FNDC3A: variants seen among roughly 807,000 people sequenced by gnomAD.
The protein encoded by FNDC3A is fibronectin type III domain containing 3A, also known as fibronectin type-III domain-containing protein 3A.
FNDC3A carries 32 observed loss-of-function variants against 148.9 expected under a neutral mutation model. That is an observed-to-expected ratio of 0.21 (90% CI 0.16 to 0.29). The LOEUF (loss-of-function observed/expected upper bound fraction) is 0.29, where lower values mean the gene tolerates loss of function less well. FNDC3A is among the 10% of genes least tolerant of loss of function. The probability of loss-of-function intolerance (pLI) is 1.00; values close to 1 mark genes in which losing one functional copy is unlikely to be tolerated. For missense variants in FNDC3A, 1,191 were observed against 1,452.8 expected, an observed-to-expected ratio of 0.82 and a Z score of 2.93; for synonymous variants, 472 against 473.6, an observed-to-expected ratio of 1.00 and a Z score of 0.04.
chr13:49,122,191 T>A lies in FNDC3A; in HGVS notation c.252+7460T>A, dbSNP rs181230392. On this transcript the variant is annotated intron_variant, in intron 4 of 25. Transcript: ENST00000492622. ...TTCATCCCTGGGATGCAAGGCTGGT[T>A]CAACATACGTAAATCAATAAACGTA... Among the ~76,000 whole-genome samples the A allele has an allele frequency of 1.3e-4, 20 of 152,268 alleles. No homozygotes were observed. In the East Asian group the frequency reaches 3.1e-3, roughly 24 times the overall value.
intron 15 of FNDC3A, 33 bp downstream of exon 15, chr13:49,186,135 T>G: frequency 6.6e-7 from 1 of 1,522,392 alleles, no homozygotes; most frequent in Non-Finnish European, 9.0e-7. Context: ...ACATTATTAC[T>G]TTTGCGTTTG....
In FNDC3A at chr13:49,024,610, C is replaced by G. The variant is rs1873564357; in HGVS notation, c.99+18321C>G. Among the ~76,000 whole-genome samples, 4 of 151,766 alleles carry G rather than the reference C, an allele frequency of 2.6e-5. No homozygotes were observed. The South Asian group carries it at 8.3e-4, about 31-fold the overall frequency. On this transcript the variant is annotated intron_variant, in intron 2 of 25. Transcript: ENST00000492622. ...CAGTAAGTGTGATACATGACATCAA[C>G]ATAATGAAGGACAAGAACCATAAAA...
intron 2 of FNDC3A, among the ~76,000 whole-genome samples, chr13:49,007,522 A>G (rs1952243602): frequency 6.6e-6 from 1 of 152,182 alleles, no homozygotes; most frequent in Non-Finnish European, 1.5e-5. Context: ...CAACTTGTTG[A>G]TAATCTAATG....
chr13:48,976,845 A>T (rs945057381), intron 1 of FNDC3A: 1 of 152,274 alleles, frequency 6.6e-6, no homozygotes, highest in Non-Finnish European at 1.5e-5. Context: ...TCGAGGCTGC[A>T]GTCCTCGCCC....
At chr13:48,980,672 C>T (rs1362598776) in intron 1 of FNDC3A, among the ~76,000 whole-genome samples, 1 of 152,108 alleles carries the variant, frequency 6.6e-6, no homozygotes, top group African/African-American at 2.4e-5. Context: ...TTATAGATAT[C>T]TATTTCTAAG....
intron 14 of FNDC3A, among the ~76,000 whole-genome samples, chr13:49,184,235 G>C (rs1234335185): frequency 6.6e-6 from 1 of 152,202 alleles, no homozygotes; most frequent in Non-Finnish European, 1.5e-5. Flanking sequence ...TGTAGGCATG[G>C]TGTGGAATTT....
rs571058903 is a variant in FNDC3A, at chr13:49,158,468, A to T, written c.978-8776A>T. Among the ~76,000 whole-genome samples the T allele has an allele frequency of 1.4e-3, 214 of 152,292 alleles. 1 individual carries two copies. The highest frequency in any genetic ancestry group is 0.012 in the Admixed American group (189 of 15,298). On this transcript the variant is annotated intron_variant, in intron 8 of 25. Coordinates refer to ENST00000492622, the MANE Select transcript of FNDC3A (RefSeq NM_001079673.2). Reference sequence around the variant, plus strand: ...CCGGTACCTCAGATGGAAATGCAGAAATCACCAGTCTTCTGCGTCGCTCAC... The same window carrying T: ...CCGGTACCTCAGATGGAAATGCAGATATCACCAGTCTTCTGCGTCGCTCAC...
At chr13:49,203,131 A>T in intron 24 of FNDC3A, 26 bp from the exon 25 acceptor site, 3 of 1,500,656 alleles carry the variant, frequency 2.0e-6, no homozygotes, top group Non-Finnish European at 2.7e-6. Flanking sequence ...AGTGGAACAG[A>T]TATTATTTAT....
chr13:49,004,689 C>T (rs890672483), intron 1 of FNDC3A, among the ~76,000 whole-genome samples: 1 of 151,790 alleles, frequency 6.6e-6, no homozygotes, highest in African/African-American at 2.4e-5. Flanking sequence ...GCAGTTTTAG[C>T]TAAACCTAGT....
At chr13:49,161,702 G>A (rs1216223788) in intron 8 of FNDC3A, among the ~76,000 whole-genome samples, 2 of 152,138 alleles carry the variant, frequency 1.3e-5, no homozygotes, top group Admixed American at 6.5e-5. Flanking sequence ...TCCTAGCATC[G>A]ATGATGTTTA....
At chr13:49,147,505 A>G (rs772837470) in intron 8 of FNDC3A, among the ~76,000 whole-genome samples, 9 of 152,098 alleles carry the variant, frequency 5.9e-5, no homozygotes, top group Non-Finnish European at 1.2e-4. Context: ...GTGGAAGGAA[A>G]TGAAATAGGG....
chr13:49,172,600 G>C (rs538376367), intron 11 of FNDC3A, among the ~76,000 whole-genome samples: 98 of 152,198 alleles, frequency 6.4e-4, no homozygotes, highest in African/African-American at 2.0e-3. Context: ...ATCACATTGC[G>C]TTTTCTCCCC....
intron 2 of FNDC3A, among the ~76,000 whole-genome samples, chr13:49,022,376 A>G (rs1198384629): frequency 1.3e-5 from 2 of 152,194 alleles, no homozygotes; most frequent in East Asian, 3.8e-4. Flanking sequence ...TTTGGGTTAA[A>G]CTTTTATCTC....
Position 49,175,553 on chromosome 13 carries a change from T to TA in FNDC3A, c.1530+13dup. On this transcript the variant is annotated intron_variant, in intron 13 of 25. Transcript: ENST00000492622. ...AGGAAGAAACTTCAGTAAGTGCAAA[T>TA]ATGGATTTTAAATAGTGTATTTAAA... The TA allele has an allele frequency of 1.9e-6, 3 of 1,575,358 alleles. No individual in the cohort carries two copies. Among genetic ancestry groups the TA allele is most frequent in the Non-Finnish European group, 2.6e-6 (3 of 1,153,608 alleles).
intron 3 of FNDC3A, among the ~76,000 whole-genome samples, chr13:49,095,880 A>G (rs527389397): frequency 3.9e-5 from 6 of 152,208 alleles, no homozygotes; most frequent in African/African-American, 1.4e-4. Flanking sequence ...TGTCATTTAC[A>G]TGCTTTTGTA....
In FNDC3A at chr13:49,188,540, T is replaced by C. The variant is rs1163835913; in HGVS notation, c.1851T>C (p.Ser617=). The C allele has an allele frequency of 6.2e-7, 1 of 1,613,118 alleles. No individual in the cohort carries two copies. The highest frequency in any genetic ancestry group is 1.3e-5 in the African/African-American group (1 of 74,918). The change falls in exon 17 of 26, where the codon AGT becomes AGC. Residue 617 remains serine, a synonymous_variant. Transcript: ENST00000492622. ...SNGNKWEMIY[S]GATREHLCDR... ...GAAACAAATGGGAAATGATATACAG[T>C]GGTGCTACCAGGGAACATCTTTGTG...
At chr13:48,982,473 T>G (rs1951711093) in intron 1 of FNDC3A, among the ~76,000 whole-genome samples, 1 of 152,174 alleles carries the variant, frequency 6.6e-6, no homozygotes, top group Non-Finnish European at 1.5e-5. Flanking sequence ...ATGTTCGCAT[T>G]TTTGTTTTAA....
At chr13:49,197,642 G>T (rs1414609504) in intron 20 of FNDC3A, 83 bp from the exon 21 acceptor site, 11 of 1,107,346 alleles carry the variant, frequency 9.9e-6, no homozygotes, top group African/African-American at 1.6e-5. Context: ...AGTTTTACAT[G>T]TGCTCAGGTA....
At chr13:49,173,799 C>A (rs542409336) in intron 11 of FNDC3A, among the ~76,000 whole-genome samples, 10 of 152,156 alleles carry the variant, frequency 6.6e-5, no homozygotes, top group Admixed American at 6.6e-4. Context: ...TTATCTCTAG[C>A]AACACAATAA....
Sources: allele counts gnomAD v4.1 joint callset (sites outside exome capture counted in the v4.1 genomes callset), GRCh38; gene constraint gnomAD v4.1.1; transcripts MANE v1.5; gene names NCBI Gene and HGNC (gene_info 2026-07-23, HGNC 2026-07-21).